The following ARHGEF16 variants were observed in gnomAD, a reference collection of about 807,000 sequenced individuals.
ARHGEF16 encodes the protein Rho guanine nucleotide exchange factor 16.
A neutral mutation model predicts 74.1 loss-of-function variants in ARHGEF16; 59 were observed. The ratio of observed to expected loss-of-function variants is 0.80; its 90% confidence interval spans 0.65 to 0.99. The LOEUF (loss-of-function observed/expected upper bound fraction) is 0.99. ARHGEF16 is among the 50% of genes least tolerant of loss of function. The probability of loss-of-function intolerance (pLI) is 0.00; values close to 1 mark genes in which losing one functional copy is unlikely to be tolerated. For missense variants in ARHGEF16, 948 were observed against 986.6 expected, an observed-to-expected ratio of 0.96 and a Z score of 0.52; for synonymous variants, 415 against 412.6, an observed-to-expected ratio of 1.01 and a Z score of -0.07.
intron 1 of ARHGEF16, among the ~76,000 whole-genome samples, chr1:3,462,789 C>T (rs1174146248): frequency 6.6e-6 from 1 of 152,204 alleles, no homozygotes; most frequent in African/African-American, 2.4e-5. Flanking sequence ...CCCCCATAGG[C>T]TGTGCCCACC....
chr1:3,458,827 G>C (rs948678167), intron 1 of ARHGEF16, among the ~76,000 whole-genome samples: 8 of 152,196 alleles, frequency 5.3e-5, no homozygotes, highest in Non-Finnish European at 8.8e-5. Flanking sequence ...TAAGACAATA[G>C]AAGATGTTAC....
intron 6 of ARHGEF16, among the ~76,000 whole-genome samples, chr1:3,471,094 G>A (rs1410271146): frequency 6.7e-6 from 1 of 148,272 alleles, no homozygotes; most frequent in Non-Finnish European, 1.5e-5. Flanking sequence ...GGGTGTGTGT[G>A]CGTGGGTGTG....
chr1:3,469,315 G>T, intron 5 of ARHGEF16, 118 bp from the exon 6 acceptor site: 1 of 1,210,798 alleles, frequency 8.3e-7, no homozygotes, highest in East Asian at 2.5e-5. Context: ...TGTGTCTGGG[G>T]TTCCTGTCCC....
Position 3,466,129 on chromosome 1 carries a change from G to C in ARHGEF16, c.589-19G>C, listed in dbSNP as rs1258215856. On this transcript the variant is annotated intron_variant, in intron 2 of 14. Transcript: ENST00000378378. ...GCCCCGGCTGACAGCTGCGGTTTCTGTGTCTCTCTTTTGTGCAGAAGACGC... is the reference window on the plus strand; with the variant it reads ...GCCCCGGCTGACAGCTGCGGTTTCTCTGTCTCTCTTTTGTGCAGAAGACGC... The C allele has an allele frequency of 6.5e-7, 1 of 1,548,372 alleles. No homozygotes were observed. Among genetic ancestry groups the C allele is most frequent in the South Asian group, 1.2e-5 (1 of 83,606 alleles).
In ARHGEF16 at chr1:3,477,943, C is replaced by A; in HGVS notation, c.1542C>A (p.Thr514=). The A allele has an allele frequency of 6.2e-7, 1 of 1,612,686 alleles. No individual in the cohort carries two copies. The highest frequency in any genetic ancestry group is 8.5e-7 in the Non-Finnish European group (1 of 1,179,912). The change falls in exon 11 of 15, where the codon ACC becomes ACA. Residue 514 remains threonine, a synonymous_variant. Transcript: ENST00000378378. The part of the protein sequence containing the change: ...KRGELFLVEE[T]GLFRKIASRP... Reference sequence around the variant, plus strand: ...GAGAGCTGTTCTTAGTGGAAGAAACCGGACTTTTTCGAAAAATTGCCAGCC... The same window carrying A: ...GAGAGCTGTTCTTAGTGGAAGAAACAGGACTTTTTCGAAAAATTGCCAGCC...
chr1:3,478,200 G>A, intron 11 of ARHGEF16, 174 bp downstream of exon 11: 4 of 1,013,746 alleles, frequency 3.9e-6, no homozygotes, highest in Non-Finnish European at 5.8e-6. Flanking sequence ...GGCGCTCGCT[G>A]TGCAGCCTCT....
chr1:3,471,638 C>T (rs1449908492), intron 6 of ARHGEF16: 4 of 1,205,504 alleles, frequency 3.3e-6, no homozygotes, highest in Admixed American at 3.2e-5. Flanking sequence ...CCTCCGGTCC[C>T]CTCTGCCTCA....
chr1:3,473,479 T>C lies in ARHGEF16; in HGVS notation c.1262T>C (p.Ile421Thr). The stretch of plus-strand genomic sequence containing the variant: ...GGCCTGCCCATGCTCTCCTTCCTGA[T>C]CCTCCCCATGCAGCGGGTGACCCGG... ...CGGLPMLSFLILPMQRVTRLP... is the reference protein window; with the variant it reads ...CGGLPMLSFLTLPMQRVTRLP... The change falls in exon 8 of 15, where the codon ATC becomes ACC. Residue 421 changes from isoleucine to threonine, a missense_variant. Transcript: ENST00000378378. 1 of 1,612,170 alleles carries C rather than the reference T, an allele frequency of 6.2e-7. No homozygotes were observed. The highest frequency in any genetic ancestry group is 1.1e-5 in the South Asian group (1 of 91,066).
rs756061209 is a variant in ARHGEF16 at position 3,477,897 on chromosome 1, C to G, written c.1496C>G (p.Ser499Cys). The G allele has an allele frequency of 2.5e-5, 41 of 1,612,500 alleles. 1 individual carries two copies. The Admixed American group carries it at 6.5e-4, about 26-fold the overall frequency. The change falls in exon 11 of 15, where the codon TCC (serine) becomes TGC (cysteine). Residue 499 changes from serine (S) to cysteine (C), a missense_variant. Coordinates refer to ENST00000378378, the MANE Select transcript of ARHGEF16 (RefSeq NM_014448.4). ...CAGTCCCTCCCACTGATCTCTGCCT[C>G]CCGGTGGCTGCTGAAGCGCGGAGAG... is the stretch of plus-strand genomic sequence containing the variant. ...KVKSLPLISA[S>C]RWLLKRGELF...
At chr1:3,468,169 G>A (rs912678932) in intron 4 of ARHGEF16, among the ~76,000 whole-genome samples, 1 of 152,200 alleles carries the variant, frequency 6.6e-6, no homozygotes, top group African/African-American at 2.4e-5. Flanking sequence ...GTCCAGTACC[G>A]CACCCTGGTA....
rs771034945 is a variant in ARHGEF16, at chr1:3,478,579, G to A, written c.1781G>A (p.Arg594His). Residue 594 changes from arginine to histidine, a missense_variant, in exon 12 of 15, where the codon CGC (arginine) becomes CAC (histidine). By Grantham distance (29) the Arg-to-His change is conservative. Transcript: ENST00000378378. ...QVTLLRNSEG[R>H]QEQLLLSSDS... ...ACCCTGCTTCGCAACAGCGAGGGCC[G>A]CCAGGAGCAGCTCCTGCTCTCCTCG... 4.5e-5 allele frequency: 72 copies of A among 1,611,908 alleles called. No individual in the cohort carries two copies. The highest frequency in any genetic ancestry group is 6.7e-5 in the Admixed American group (4 of 59,950).
In ARHGEF16 at chr1:3,479,608, C is replaced by A. The variant is rs375712808; in HGVS notation, c.1888+18C>A. 5.0e-6 allele frequency: 8 copies of A among 1,608,126 alleles called. No individual in the cohort carries two copies. Among genetic ancestry groups the A allele is most frequent in the Admixed American group, 1.7e-5 (1 of 59,524 alleles). On this transcript the variant is annotated intron_variant, in intron 13 of 14. Coordinates refer to ENST00000378378, the MANE Select transcript of ARHGEF16 (RefSeq NM_014448.4). ...CAAAGGAGGTGAGTGCGGGCTGGGG[C>A]CTGCAGGGCTGGCCCTCTGCCGTGG... is the stretch of plus-strand genomic sequence containing the variant.
In ARHGEF16 at chr1:3,477,917, G is replaced by T; in HGVS notation, c.1516G>T (p.Gly506Ter). ...ISASRWLLKR[G>*]ELFLVEETGL... ...TGCCTCCCGGTGGCTGCTGAAGCGC[G>T]GAGAGCTGTTCTTAGTGGAAGAAAC... is the stretch of plus-strand genomic sequence containing the variant. Residue 506 changes from glycine to a stop codon, truncating the protein, a stop_gained, in exon 11 of 15, where the codon GGA (glycine) becomes TGA (stop). Coordinates refer to ENST00000378378, the MANE Select transcript of ARHGEF16 (RefSeq NM_014448.4). LOFTEE classifies it high-confidence loss of function. 3 of 1,612,636 alleles carry T rather than the reference G, an allele frequency of 1.9e-6. No individual in the cohort carries two copies. Among genetic ancestry groups the T allele is most frequent in the East Asian group, 4.5e-5 (2 of 44,874 alleles).
At chr1:3,462,834 C>T (rs1365154197) in intron 1 of ARHGEF16, among the ~76,000 whole-genome samples, 1 of 152,220 alleles carries the variant, frequency 6.6e-6, no homozygotes, top group Admixed American at 6.5e-5. Flanking sequence ...AGCGCCTGCC[C>T]AGTCCCATCC....
At chr1:3,468,595 G>C in intron 4 of ARHGEF16, 1 of 458,316 alleles carries the variant, frequency 2.2e-6, no homozygotes, top group Non-Finnish European at 4.0e-6. Context: ...ATCCCCCCCC[G>C]CCCTCTGGCC....
intron 12 of ARHGEF16, 123 bp downstream of exon 12, chr1:3,478,735 G>A: frequency 8.7e-7 from 1 of 1,151,688 alleles, no homozygotes; most frequent in Non-Finnish European, 1.2e-6. Flanking sequence ...CGTGCACCTG[G>A]CCCTGCTGTA....
In ARHGEF16 at chr1:3,468,793, G is replaced by C. The variant is rs1042016264; in HGVS notation, c.805-87G>C. Reference sequence around the variant, plus strand: ...TGGGGTGGCTGTCCATGTTGGCCCTGGTCCATCAGGAGGAGGAAAGAAGGG... The same window carrying C: ...TGGGGTGGCTGTCCATGTTGGCCCTCGTCCATCAGGAGGAGGAAAGAAGGG... On this transcript the variant is annotated intron_variant, in intron 4 of 14. Coordinates refer to ENST00000378378, the MANE Select transcript of ARHGEF16 (RefSeq NM_014448.4). 5.4e-6 allele frequency: 8 copies of C among 1,472,050 alleles called. No individual in the cohort carries two copies. In the African/African-American group the frequency reaches 9.8e-5, roughly 18 times the overall value. The allele number at this position is 1,472,050 out of a possible 1,614,324, so 91.2% of individuals were successfully genotyped here. A position where few individuals can be genotyped will look rare whatever the true frequency, so the allele number is the denominator to read the frequency against.
intron 1 of ARHGEF16, among the ~76,000 whole-genome samples, chr1:3,456,293 A>T (rs72633361): frequency 1.1e-4 from 16 of 152,324 alleles, no homozygotes; most frequent in African/African-American, 3.6e-4. Context: ...CTCACATGTG[A>T]CGCGCAGGTC....
At chr1:3,473,865 A>T in intron 8 of ARHGEF16, 1 of 383,338 alleles carries the variant, frequency 2.6e-6, no homozygotes, top group South Asian at 2.5e-5. Flanking sequence ...GTCCTCCTAG[A>T]CGTGGTAGCC....
Sources: gnomAD v4.1 joint callset for allele counts (sites outside exome capture counted in the v4.1 genomes callset) on GRCh38, gnomAD v4.1.1 for gene constraint, MANE v1.5 for transcripts, NCBI Gene and HGNC (gene_info 2026-07-23, HGNC 2026-07-21) for gene names.